Variants in ELMO1 observed in about 807,000 individuals in gnomAD.
ELMO1 encodes engulfment and cell motility 1.
A neutral mutation model predicts 98.9 loss-of-function variants in ELMO1; 26 were observed. That is an observed-to-expected ratio of 0.26 (90% confidence interval 0.19 to 0.36). The LOEUF (loss-of-function observed/expected upper bound fraction) is 0.36. Ranked by LOEUF, ELMO1 falls within the 10% of genes least tolerant of loss-of-function variation. The pLI is 1.00. For synonymous variants in ELMO1, 346 were observed against 346.0 expected (o/e 1.00, Z 0.00); for missense variants, 627 against 935.2 (o/e 0.67, Z 4.30).
chr7:37,234,496 A>G (rs995025646), intron 7 of ELMO1, among the ~76,000 whole-genome samples: 3 of 152,206 alleles, frequency 2.0e-5, no homozygotes, highest in African/African-American at 7.2e-5. Context: ...AGTGGTTCTC[A>G]GGGAAAGACA....
At chr7:37,267,058 C>T (rs1387726659) in intron 5 of ELMO1, among the ~76,000 whole-genome samples, 26 of 141,590 alleles carry the variant, frequency 1.8e-4, no homozygotes, top group African/African-American at 5.9e-4. Context: ...CACACACACA[C>T]ACACACACAC....
At chr7:37,093,246 A>C (rs1402918244) in intron 15 of ELMO1, among the ~76,000 whole-genome samples, 1 of 152,196 alleles carries the variant, frequency 6.6e-6, no homozygotes, top group Non-Finnish European at 1.5e-5. Flanking sequence ...ATTGAACATT[A>C]ATATGTTTGC....
chr7:37,360,629 T>C (rs1583624110), intron 1 of ELMO1, among the ~76,000 whole-genome samples: 1 of 151,970 alleles, frequency 6.6e-6, no homozygotes, highest in South Asian at 2.1e-4. Flanking sequence ...TATTCAGAGG[T>C]GAGATTAAAT....
chr7:37,365,124 G>A (rs1006485093), intron 1 of ELMO1, among the ~76,000 whole-genome samples: 3 of 152,108 alleles, frequency 2.0e-5, no homozygotes, highest in Admixed American at 6.6e-5. Context: ...TCCGCCTTAC[G>A]GAAATAACTT....
intron 16 of ELMO1, among the ~76,000 whole-genome samples, chr7:36,972,881 A>G (rs1170730179): frequency 6.6e-6 from 1 of 152,086 alleles, no homozygotes; most frequent in Non-Finnish European, 1.5e-5. Flanking sequence ...CCCAGTTTCA[A>G]GCGATTCTCC....
intron 1 of ELMO1, among the ~76,000 whole-genome samples, chr7:37,440,179 C>T (rs980562145): frequency 6.6e-6 from 1 of 152,164 alleles, no homozygotes; most frequent in Non-Finnish European, 1.5e-5. Context: ...CACAGTGGCT[C>T]ATGTCTGTAA....
intron 16 of ELMO1, among the ~76,000 whole-genome samples, chr7:36,913,498 C>T (rs544731171): frequency 7.2e-5 from 11 of 152,230 alleles, no homozygotes; most frequent in East Asian, 3.9e-4. Context: ...CAACTGAAGC[C>T]GAGGATACAG....
At chr7:37,272,983 C>A (rs866500643) in intron 4 of ELMO1, among the ~76,000 whole-genome samples, 3 of 152,162 alleles carry the variant, frequency 2.0e-5, no homozygotes, top group African/African-American at 7.2e-5. Flanking sequence ...GCACTAAATA[C>A]CCCCAAATTG....
chr7:37,098,119 C>T (rs1404103198), intron 14 of ELMO1, among the ~76,000 whole-genome samples: 1 of 152,246 alleles, frequency 6.6e-6, no homozygotes, highest in Non-Finnish European at 1.5e-5. Context: ...AGCTACACCA[C>T]TTTGAATGAT....
chr7:37,066,063 G>A (rs907464404), intron 15 of ELMO1, among the ~76,000 whole-genome samples: 1 of 152,156 alleles, frequency 6.6e-6, no homozygotes, highest in African/African-American at 2.4e-5. Context: ...CTGCTGCCAC[G>A]TAAGACATGA....
At chr7:36,993,447 T>C (rs1325894200) in intron 16 of ELMO1, among the ~76,000 whole-genome samples, 1 of 152,210 alleles carries the variant, frequency 6.6e-6, no homozygotes, top group African/African-American at 2.4e-5. Flanking sequence ...TTGCTGTTCT[T>C]AAACCCATCT....
chr7:37,219,722 C>G (rs1183024308), intron 10 of ELMO1, among the ~76,000 whole-genome samples: 1 of 152,168 alleles, frequency 6.6e-6, no homozygotes, highest in Non-Finnish European at 1.5e-5. Flanking sequence ...GATTCTTACC[C>G]GCTCAGTAAC....
chr7:37,046,305 T>C (rs530376317), intron 15 of ELMO1, among the ~76,000 whole-genome samples: 1 of 152,326 alleles, frequency 6.6e-6, no homozygotes, highest in Non-Finnish European at 1.5e-5. Flanking sequence ...CACATATAAG[T>C]AAGTCAGAAC....
At chr7:37,313,615 C>T (rs1798999390) in intron 4 of ELMO1, among the ~76,000 whole-genome samples, 1 of 152,208 alleles carries the variant, frequency 6.6e-6, no homozygotes. Flanking sequence ...CAGTGTTCAT[C>T]TGGGAAGAAC....
At chr7:37,123,490 C>G (rs1027565564) in intron 14 of ELMO1, among the ~76,000 whole-genome samples, 1 of 152,162 alleles carries the variant, frequency 6.6e-6, no homozygotes, top group African/African-American at 2.4e-5. Flanking sequence ...AAACTACCAT[C>G]GGAGAATACT....
At chr7:37,322,353 C>T (rs1183553944) in intron 2 of ELMO1, among the ~76,000 whole-genome samples, 4 of 151,226 alleles carry the variant, frequency 2.6e-5, no homozygotes, top group African/African-American at 7.3e-5. Context: ...TGGTGGCTCA[C>T]GCCTGTAATC....
chr7:37,222,956 A>G (rs921748636), intron 9 of ELMO1, among the ~76,000 whole-genome samples: 1 of 152,216 alleles, frequency 6.6e-6, no homozygotes, highest in African/African-American at 2.4e-5. Context: ...TCTCTTATTC[A>G]GATTAAAGGC....
At position 37,022,313 on chromosome 7, in the gene ELMO1, G is replaced by GA. The variant is rs564723752; in HGVS notation, c.1301-8879dup. Among the ~76,000 whole-genome samples the GA allele has an allele frequency of 4.6e-5, 7 of 152,174 alleles. No individual in the cohort carries two copies. In the South Asian group the frequency reaches 1.5e-3, roughly 32 times the overall value. On this transcript the variant is annotated intron_variant, in intron 15 of 21. Coordinates refer to ENST00000310758, the MANE Select transcript of ELMO1 (RefSeq NM_014800.11). ...ATAAAAATGGCAACTTTGGAATAGA[G>GA]AAAAAACTTCAACATTATCTAATAA...
chr7:37,246,898 C>T (rs1333529337), intron 6 of ELMO1, among the ~76,000 whole-genome samples: 1 of 146,238 alleles, frequency 6.8e-6, no homozygotes, highest in Non-Finnish European at 1.5e-5. Context: ...CTATCTATAT[C>T]TCCTGTCTGG....
Sources: gnomAD v4.1 joint callset for allele counts (sites outside exome capture counted in the v4.1 genomes callset) on GRCh38, gnomAD v4.1.1 for gene constraint, MANE v1.5 for transcripts, NCBI Gene and HGNC (gene_info 2026-07-23, HGNC 2026-07-21) for gene names.